Variants in RTL9 observed in about 807,000 individuals in gnomAD.
RTL9 encodes the protein retrotransposon Gag like 9.
Under a neutral mutation model 44.7 loss-of-function variants are expected in RTL9, and 19 were observed. The observed-to-expected ratio is 0.42, with a 90% confidence interval of 0.30 to 0.62. RTL9 has a LOEUF of 0.62. Ranked by LOEUF, RTL9 falls within the 20% of genes least tolerant of loss-of-function variation. The pLI, the probability that RTL9 is intolerant of heterozygous loss-of-function variation, is 0.16. For synonymous variants in RTL9, 407 were observed against 398.9 expected (o/e 1.02, Z -0.24); for missense variants, 1,105 against 1,080.6 (o/e 1.02, Z -0.32).
At chrX:110,452,917 T>C (rs1416118428) in exon 1 of RTL9, 2 of 1,209,956 alleles carry the variant, frequency 1.7e-6, no homozygotes, top group Non-Finnish European at 2.2e-6. Flanking sequence ...TCTGAAACAA[T>C]GTCCACACCA....
intron 1 of RTL9, among the ~76,000 whole-genome samples, chrX:110,432,132 T>A (rs1399025643): frequency 1.8e-5 from 2 of 111,885 alleles, no homozygotes; most frequent in Non-Finnish European, 3.8e-5. Flanking sequence ...TAAGAGGGGA[T>A]CCCTGGGTGG....
chrX:110,366,375 T>C (rs2068297373), intron 1 of RTL9, among the ~76,000 whole-genome samples: 1 of 111,282 alleles, frequency 9.0e-6, no homozygotes, highest in Non-Finnish European at 1.9e-5. Context: ...ACTAATGGGG[T>C]ATACCGGATT....
chrX:110,380,060 T>C (rs1184156723), intron 1 of RTL9, among the ~76,000 whole-genome samples: 1 of 111,879 alleles, frequency 8.9e-6, no homozygotes, highest in Admixed American at 9.5e-5. Flanking sequence ...TCTGATTCCT[T>C]ATCCCCATCA....
intron 1 of RTL9, among the ~76,000 whole-genome samples, chrX:110,397,673 C>T (rs1391392589): frequency 5.4e-5 from 6 of 111,258 alleles, no homozygotes; most frequent in Non-Finnish European, 1.1e-4. Context: ...CTCCCTTTTG[C>T]TTTCTAATAT....
chrX:110,410,322 G>A (rs900444184), intron 1 of RTL9, among the ~76,000 whole-genome samples: 1 of 111,741 alleles, frequency 8.9e-6, no homozygotes, highest in African/African-American at 3.3e-5. Context: ...GCATCTTAAA[G>A]GTTGTTTTTC....
rs1321515326 is a variant in RTL9 at position 110,412,849 on chromosome X, G to T, written c.-167-32304G>T. Among the ~76,000 whole-genome samples the T allele has an allele frequency of 3.6e-5, 4 of 112,433 alleles. No individual in the cohort carries two copies. In the Admixed American group the frequency reaches 3.7e-4, roughly 11 times the overall value. ...ATGTTACACATACAGGAAAAGACTGGAAGGATAGACAGACTGTCAACACTG... is the reference window on the plus strand; with the variant it reads ...ATGTTACACATACAGGAAAAGACTGTAAGGATAGACAGACTGTCAACACTG... On this transcript the variant is annotated intron_variant, in intron 1 of 2. Transcript: ENST00000520821.
intron 1 of RTL9, among the ~76,000 whole-genome samples, chrX:110,382,989 T>A (rs2068431038): frequency 8.9e-6 from 1 of 112,001 alleles, no homozygotes. Flanking sequence ...CATGATGCAG[T>A]GGGAGTGGAA....
chrX:110,421,781 C>T (rs1473964795), intron 1 of RTL9, among the ~76,000 whole-genome samples: 1 of 112,723 alleles, frequency 8.9e-6, no homozygotes, highest in Non-Finnish European at 1.9e-5. Context: ...CCTGTTCATC[C>T]CTCTTCTGGT....
intron 1 of RTL9, among the ~76,000 whole-genome samples, chrX:110,432,842 A>G (rs1231879286): frequency 8.9e-6 from 1 of 112,984 alleles, no homozygotes; most frequent in African/African-American, 3.2e-5. Flanking sequence ...ACTTCTGCAC[A>G]GCCTTTTGGC....
chrX:110,438,567 C>T (rs1421302496), intron 1 of RTL9, among the ~76,000 whole-genome samples: 1 of 111,619 alleles, frequency 9.0e-6, no homozygotes, highest in Non-Finnish European at 1.9e-5. Context: ...TTACCAAGGA[C>T]CAAGCAAACA....
intron 1 of RTL9, among the ~76,000 whole-genome samples, chrX:110,428,919 C>T (rs1050042787): frequency 3.6e-5 from 4 of 112,274 alleles, no homozygotes; most frequent in Admixed American, 9.4e-5. Flanking sequence ...GGGTCCGATG[C>T]GACGGCACAG....
At chrX:110,363,322 C>T (rs1461440162) in intron 1 of RTL9, among the ~76,000 whole-genome samples, 3 of 112,001 alleles carry the variant, frequency 2.7e-5, no homozygotes, top group African/African-American at 9.7e-5. Context: ...GCCACCAACT[C>T]TAGAATTAAG....
At chrX:110,440,538 G>A (rs778588890) in intron 1 of RTL9, among the ~76,000 whole-genome samples, 16 of 111,816 alleles carry the variant, frequency 1.4e-4, no homozygotes, top group African/African-American at 5.2e-4. Context: ...TGAAGTTGGT[G>A]GCAGTGTCAG....
chrX:110,371,185 G>C (rs927120588), intron 1 of RTL9, among the ~76,000 whole-genome samples: 4 of 110,802 alleles, frequency 3.6e-5, no homozygotes, highest in African/African-American at 1.3e-4. Flanking sequence ...TAAAGATCCA[G>C]TTTTCACCCT....
exon 1 of RTL9, chrX:110,452,000 A>G (rs1233122665): frequency 8.3e-7 from 1 of 1,211,980 alleles, no homozygotes; most frequent in Admixed American, 2.2e-5. Context: ...CAGCCTCTAG[A>G]GTAATGTCCG....
At chrX:110,447,601 C>G (rs1230014917), upstream of RTL9, among the ~76,000 whole-genome samples, 2 of 110,578 alleles carry the variant, frequency 1.8e-5, no homozygotes, top group East Asian at 5.7e-4. Context: ...TTTTATGTGA[C>G]CGTGGTCACA....
upstream of RTL9, among the ~76,000 whole-genome samples, chrX:110,447,107 G>A (rs2068912206): frequency 1.5e-5 from 1 of 67,046 alleles, no homozygotes. Flanking sequence ...TGGCTATTCT[G>A]TGACTTTTTT....
chrX:110,450,751 A>G (rs750632292), exon 1 of RTL9: 60 of 1,209,380 alleles, frequency 5.0e-5, no homozygotes, highest in Non-Finnish European at 5.9e-5. Flanking sequence ...CTGCATTCTC[A>G]TGTACAGTTG....
chrX:110,373,619 A>G (rs997177924), intron 1 of RTL9, among the ~76,000 whole-genome samples: 4 of 112,674 alleles, frequency 3.6e-5, no homozygotes, highest in African/African-American at 1.3e-4. Context: ...TTATGTCCCA[A>G]GAAACTACAG....
Sources: allele counts gnomAD v4.1 joint callset (sites outside exome capture counted in the v4.1 genomes callset), GRCh38; gene constraint gnomAD v4.1.1; transcripts MANE v1.5; gene names NCBI Gene and HGNC (gene_info 2026-07-23, HGNC 2026-07-21).